Variants in JHY observed in about 807,000 individuals in gnomAD.
JHY encodes the protein junctional cadherin complex regulator.
In JHY, 69 loss-of-function variants were observed where a neutral mutation model predicts 78.0. The ratio of observed to expected loss-of-function variants is 0.88; its 90% CI spans 0.73 to 1.08. The LOEUF is 1.08. Ranked by LOEUF, JHY falls within the 50% of genes least tolerant of loss-of-function variation. JHY has a pLI of 0.00. For missense variants in JHY, 944 were observed against 927.8 expected, an observed-to-expected ratio of 1.02 and a Z score of -0.23; for synonymous variants, 368 against 342.6, an observed-to-expected ratio of 1.07 and a Z score of -0.82.
chr11:122,889,584 C>T (rs538968967), intron 2 of JHY, among the ~76,000 whole-genome samples: 1 of 152,270 alleles, frequency 6.6e-6, no homozygotes, highest in East Asian at 1.9e-4. Flanking sequence ...ACTTTCCCAT[C>T]CCTGGATTTT....
At chr11:122,948,261 T>C (rs1399630464) in intron 6 of JHY, among the ~76,000 whole-genome samples, 1 of 151,794 alleles carries the variant, frequency 6.6e-6, no homozygotes, top group Non-Finnish European at 1.5e-5. Context: ...TTGGACAACA[T>C]GGTGAAACTC....
intron 3 of JHY, among the ~76,000 whole-genome samples, chr11:122,913,455 G>A (rs12802791): frequency 6.6e-6 from 1 of 152,138 alleles, no homozygotes; most frequent in South Asian, 2.1e-4. Context: ...TGAGTGGTAC[G>A]AAAGGCCCTT....
At chr11:122,891,360 A>G (rs1405204984) in intron 2 of JHY, among the ~76,000 whole-genome samples, 2 of 152,188 alleles carry the variant, frequency 1.3e-5, no homozygotes, top group East Asian at 1.9e-4. Flanking sequence ...TATGGATGAG[A>G]GAAAACCTTT....
In JHY at chr11:122,959,532, T is replaced by A; in HGVS notation, c.*87T>A. On this transcript the variant is annotated 3_prime_UTR_variant, in exon 9 of 9. Coordinates refer to ENST00000227349, the MANE Select transcript of JHY (RefSeq NM_024806.4). ...CCAACCACCTTCTCTGCGTTGAGAG[T>A]AATGGCCTATTATTATCATCTATCT... is the stretch of plus-strand genomic sequence containing the variant. 1 of 1,245,594 alleles carries A rather than the reference T, an allele frequency of 8.0e-7. No homozygotes were observed. Among genetic ancestry groups the A allele is most frequent in the Non-Finnish European group, 1.1e-6 (1 of 882,596 alleles). The allele number at this position is 1,245,594 out of a possible 1,614,324, so 77.2% of individuals were successfully genotyped here.
chr11:122,960,771 C>T lies in JHY; in HGVS notation c.*1326C>T, dbSNP rs550873312. ...GAAGCAGGCTTCCATCAAACAAATCCAGGATGCAATTGATTTGGAGAAGTC... is the reference window on the plus strand; with the variant it reads ...GAAGCAGGCTTCCATCAAACAAATCTAGGATGCAATTGATTTGGAGAAGTC... On this transcript the variant is annotated 3_prime_UTR_variant, in exon 9 of 9. Coordinates refer to ENST00000227349, the MANE Select transcript of JHY (RefSeq NM_024806.4). 25 of 488,636 alleles carry T rather than the reference C, an allele frequency of 5.1e-5. No homozygotes were observed. The highest frequency in any genetic ancestry group is 8.1e-5 in the Non-Finnish European group (20 of 246,310). 30.3% of individuals were successfully genotyped at this position (488,636 alleles called of 1,614,324 possible).
At chr11:122,915,680 G>A (rs1369832841) in intron 3 of JHY, among the ~76,000 whole-genome samples, 2 of 151,896 alleles carry the variant, frequency 1.3e-5, no homozygotes, top group African/African-American at 2.4e-5. Context: ...GCCTGGCTAA[G>A]TTTCATATTT....
At chr11:122,951,612 A>G (rs1212163394) in intron 6 of JHY, among the ~76,000 whole-genome samples, 1 of 152,218 alleles carries the variant, frequency 6.6e-6, no homozygotes, top group East Asian at 1.9e-4. Context: ...ACAGCAGGGT[A>G]CCACCTTTCA....
At chr11:122,930,910 C>T (rs931282969) in intron 4 of JHY, among the ~76,000 whole-genome samples, 1 of 152,146 alleles carries the variant, frequency 6.6e-6, no homozygotes, top group Non-Finnish European at 1.5e-5. Flanking sequence ...TTTTTCACAG[C>T]TTTGGAAGCT....
chr11:122,912,428 G>C (rs927222242), intron 3 of JHY, among the ~76,000 whole-genome samples: 1 of 152,090 alleles, frequency 6.6e-6, no homozygotes, highest in South Asian at 2.1e-4. Flanking sequence ...AGCTTTGGTT[G>C]GCCCCATCCC....
Position 122,931,586 on chromosome 11 carries a change from T to C in JHY, c.979-2834T>C, listed in dbSNP as rs191309869. On this transcript the variant is annotated intron_variant, in intron 4 of 8. Transcript: ENST00000227349. Reference sequence around the variant, plus strand: ...TCTCGGGCTTAAAGTACTCATGTTTTATTGTTCATAAACACAGCAGAAAAG... The same window carrying C: ...TCTCGGGCTTAAAGTACTCATGTTTCATTGTTCATAAACACAGCAGAAAAG... Among the ~76,000 whole-genome samples, 31 of 152,352 alleles carry C rather than the reference T, an allele frequency of 2.0e-4. No homozygotes were observed. In the East Asian group the frequency reaches 4.2e-3, roughly 21 times the overall value.
Position 122,934,614 on chromosome 11 carries a change from GA to G in JHY, c.1175del (p.Asn392IlefsTer24). The G allele has an allele frequency of 6.2e-7, 1 of 1,614,068 alleles. No individual in the cohort carries two copies. The highest frequency in any genetic ancestry group is 1.1e-5 in the South Asian group (1 of 91,070). ...EEVTASQGNQ[N>X]NPPRQQQNQN... ...AGGTGACTGCCAGTCAGGGGAACCA[GA>G]ATAACCCTCCCAGGCAGCAACAAAA... On this transcript the variant is annotated frameshift_variant, in exon 5 of 9. Transcript: ENST00000227349. LOFTEE classifies it high-confidence loss of function.
intron 4 of JHY, among the ~76,000 whole-genome samples, chr11:122,933,000 C>T (rs543509548): frequency 7.7e-4 from 117 of 152,178 alleles, no homozygotes; most frequent in East Asian, 2.5e-3. Flanking sequence ...AATTAGAAGT[C>T]GTTATTTCTT....
At chr11:122,944,802 A>T (rs1863932204) in intron 5 of JHY, among the ~76,000 whole-genome samples, 2 of 152,148 alleles carry the variant, frequency 1.3e-5, no homozygotes, top group Admixed American at 1.3e-4. Flanking sequence ...CAACTCTTTG[A>T]AAACATTACT....
At chr11:122,926,394 GT>G (rs1175818279) in intron 4 of JHY, among the ~76,000 whole-genome samples, 3 of 152,026 alleles carry the variant, frequency 2.0e-5, no homozygotes, top group Admixed American at 1.3e-4. Context: ...GATAAACATA[GT>G]AAAAATAATA....
chr11:122,934,231 G>A (rs1863695395), intron 4 of JHY, among the ~76,000 whole-genome samples, 189 bp from the exon 5 acceptor site: 1 of 152,026 alleles, frequency 6.6e-6, no homozygotes, highest in Non-Finnish European at 1.5e-5. Flanking sequence ...CAGGAGAATG[G>A]TGTGAACCTG....
In JHY at chr11:122,924,912, A is replaced by G; in HGVS notation, c.880A>G (p.Arg294Gly). ...ACCTACCTAGATCTCCTACCCCGTC[A>G]GAGTAACAGACAAGACGTCTATTCA... ...SHPEQISYPV[R>G]VTDKTSIQNA... Residue 294 changes from arginine to glycine, a missense_variant, in exon 4 of 9, where the codon AGA becomes GGA. Transcript: ENST00000227349. The G allele has an allele frequency of 6.2e-7, 1 of 1,613,624 alleles. No individual in the cohort carries two copies. Among genetic ancestry groups the G allele is most frequent in the Non-Finnish European group, 8.5e-7 (1 of 1,179,552 alleles).
At position 122,898,188 on chromosome 11, in the gene JHY, G is replaced by C. The variant is rs1488004412; in HGVS notation, c.345-5737G>C. 2.0e-5 allele frequency among the ~76,000 whole-genome samples: 3 copies of C among 152,134 alleles called. No individual in the cohort carries two copies. The highest frequency in any genetic ancestry group is 7.2e-5 in the African/African-American group (3 of 41,434). ...CCAGCAGCCTGCTTCTGTTTTCCTT[G>C]CTGCTGTATCTTCTGTGCCTAAGAT... On this transcript the variant is annotated intron_variant, in intron 2 of 8. Transcript: ENST00000227349. The surrounding 1 kb of genome is among the most constrained non-coding windows in gnomAD (Gnocchi z 4.4).
At chr11:122,956,170 T>A (rs1038908648) in intron 6 of JHY, among the ~76,000 whole-genome samples, 7 of 148,264 alleles carry the variant, frequency 4.7e-5, no homozygotes, top group African/African-American at 1.2e-4. Flanking sequence ...AAAAAAAAAA[T>A]AAAATAAAAA....
intron 5 of JHY, among the ~76,000 whole-genome samples, chr11:122,945,279 C>G (rs757303538): frequency 1.6e-4 from 24 of 152,180 alleles, no homozygotes; most frequent in Non-Finnish European, 2.9e-5. Context: ...AATGTATCCA[C>G]TGAGTTTTAA....
Sources: gnomAD v4.1 joint callset for allele counts (sites outside exome capture counted in the v4.1 genomes callset) on GRCh38, gnomAD v4.1.1 for gene constraint, Gnocchi (gnomAD v3.1) non-coding constraint, MANE v1.5 for transcripts, NCBI Gene and HGNC (gene_info 2026-07-23, HGNC 2026-07-21) for gene names.